Variants in CACNA1D observed in about 807,000 individuals in gnomAD.
CACNA1D encodes the protein voltage-dependent L-type calcium channel subunit alpha-1D.
In CACNA1D, 55 loss-of-function variants were observed where a neutral mutation model predicts 257.1. That is an observed-to-expected ratio of 0.21 (90% confidence interval 0.17 to 0.27). CACNA1D has a LOEUF of 0.27. Ranked by LOEUF, CACNA1D falls within the 10% of genes least tolerant of loss-of-function variation. CACNA1D has a pLI of 1.00. For missense variants in CACNA1D, 1,876 were observed against 2,784.0 expected, an observed-to-expected ratio of 0.67 and a Z score of 7.34; for synonymous variants, 980 against 1,014.9, an observed-to-expected ratio of 0.97 and a Z score of 0.65.
In CACNA1D at chr3:53,681,765, G is replaced by A. The variant is rs2094432170; in HGVS notation, c.1220+8639G>A. ...AAGAAAGGTTCATGTGCTGTGAGAG[G>A]GTTTAACAGGCACAACTGCTGTCAG... On this transcript the variant is annotated intron_variant, in intron 8 of 47. Coordinates refer to ENST00000350061, the MANE Select transcript of CACNA1D (RefSeq NM_001128840.3). 2.6e-5 allele frequency among the ~76,000 whole-genome samples: 4 copies of A among 152,204 alleles called. No individual in the cohort carries two copies. The South Asian group carries it at 8.3e-4, about 32-fold the overall frequency.
intron 8 of CACNA1D, among the ~76,000 whole-genome samples, chr3:53,674,204 C>A (rs1470568580): frequency 2.0e-5 from 3 of 152,172 alleles, no homozygotes; most frequent in African/African-American, 7.2e-5. Context: ...TAGTACATAA[C>A]CTGGCCCCTT....
At chr3:53,686,759 T>C (rs1302966741) in intron 8 of CACNA1D, among the ~76,000 whole-genome samples, 1 of 152,020 alleles carries the variant, frequency 6.6e-6, no homozygotes, top group Non-Finnish European at 1.5e-5. Flanking sequence ...AAAGTAACCA[T>C]TTTTCTATCT....
chr3:53,672,960 C>A, intron 7 of CACNA1D, 63 bp from the exon 8 acceptor site: 2 of 1,022,824 alleles, frequency 2.0e-6, no homozygotes, highest in South Asian at 1.4e-5. Context: ...TCTAATGTGA[C>A]CCTCTCTCCT....
intron 43 of CACNA1D, 131 bp from the exon 44 acceptor site, chr3:53,803,292 C>A: frequency 2.1e-6 from 2 of 936,666 alleles, no homozygotes; most frequent in Non-Finnish European, 3.4e-6. Flanking sequence ...TCCAGTGCTG[C>A]CTGAGGCAGG....
chr3:53,551,717 G>T (rs903489628), intron 3 of CACNA1D, among the ~76,000 whole-genome samples: 5 of 152,184 alleles, frequency 3.3e-5, no homozygotes, highest in Non-Finnish European at 2.9e-5. Flanking sequence ...TAGGAAAGAA[G>T]GTCCAAAGCA....
intron 9 of CACNA1D, among the ~76,000 whole-genome samples, chr3:53,713,020 C>G (rs1211755674): frequency 6.6e-6 from 1 of 152,208 alleles, no homozygotes; most frequent in Non-Finnish European, 1.5e-5. Flanking sequence ...ACCCCATTCT[C>G]TGGGACATTC....
In CACNA1D at chr3:53,808,542, T is replaced by C; in HGVS notation, c.5750-107T>C. ...TCTTTCTCTTGGACAAACCGCATGC[T>C]TCTTCCTGGGCTCGTTGCTGAGCAT... On this transcript the variant is annotated intron_variant, in intron 45 of 47. Coordinates refer to ENST00000350061, the MANE Select transcript of CACNA1D (RefSeq NM_001128840.3). 4.4e-6 allele frequency: 6 copies of C among 1,372,472 alleles called. No homozygotes were observed. In the Admixed American group the frequency reaches 1.0e-4, roughly 23 times the overall value. The allele number at this position is 1,372,472 out of a possible 1,614,324, so 85.0% of individuals were successfully genotyped here. A position where few individuals can be genotyped will look rare whatever the true frequency, so the allele number is the denominator to read the frequency against.
chr3:53,690,487 C>G (rs547803598), intron 8 of CACNA1D, among the ~76,000 whole-genome samples: 4 of 152,134 alleles, frequency 2.6e-5, no homozygotes, highest in African/African-American at 9.7e-5. Context: ...AGTCTCTGAG[C>G]CCAGCCCTGG....
chr3:53,748,191 A>C (rs1484440772), intron 26 of CACNA1D, among the ~76,000 whole-genome samples: 5 of 152,150 alleles, frequency 3.3e-5, no homozygotes, highest in African/African-American at 4.8e-5. Flanking sequence ...GAAAGGGAGA[A>C]TCCTCTGTGC....
chr3:53,691,890 ATATATATTACATATATTATATAT>A (rs2094531244), intron 8 of CACNA1D, among the ~76,000 whole-genome samples: 3 of 101,214 alleles, frequency 3.0e-5, no homozygotes, highest in African/African-American at 1.1e-4. Flanking sequence ...AATATATATT[ATATATATTACATATATTATATAT>A]AATATATATT....
At chr3:53,795,623 A>C (rs564039560) in intron 40 of CACNA1D, among the ~76,000 whole-genome samples, 1 of 152,378 alleles carries the variant, frequency 6.6e-6, no homozygotes, top group Non-Finnish European at 1.5e-5. Flanking sequence ...ATGCTATCAG[A>C]ACAGAAGTTG....
At chr3:53,717,716 G>C (rs2094834491) in intron 9 of CACNA1D, among the ~76,000 whole-genome samples, 1 of 152,114 alleles carries the variant, frequency 6.6e-6, no homozygotes, top group South Asian at 2.1e-4. Context: ...AACTTTCTGT[G>C]TATTGGCTTC....
intron 9 of CACNA1D, among the ~76,000 whole-genome samples, chr3:53,710,144 C>T (rs535977088): frequency 6.6e-6 from 1 of 152,338 alleles, no homozygotes; most frequent in Admixed American, 6.5e-5. Flanking sequence ...CTTTATCTAG[C>T]ATGGGTTAGC....
intron 7 of CACNA1D, among the ~76,000 whole-genome samples, chr3:53,667,226 G>C (rs2094275338): frequency 6.6e-6 from 1 of 152,204 alleles, no homozygotes; most frequent in Non-Finnish European, 1.5e-5. Context: ...CTCTTTCAAG[G>C]CGAGGGTCTG....
In CACNA1D at chr3:53,631,098, C is replaced by T. The variant is rs113091541; in HGVS notation, c.484-19681C>T. On this transcript the variant is annotated intron_variant, in intron 3 of 47. Coordinates refer to ENST00000350061, the MANE Select transcript of CACNA1D (RefSeq NM_001128840.3). ...GGTTGCCGAAGAAGGCTGGGGTGGCCGTGGCAATTTCTTAAAACAAGGAAG... is the reference window on the plus strand; with the variant it reads ...GGTTGCCGAAGAAGGCTGGGGTGGCTGTGGCAATTTCTTAAAACAAGGAAG... 9.1e-3 allele frequency among the ~76,000 whole-genome samples: 1,379 copies of T among 152,198 alleles called. 22 individuals carry two copies. The highest frequency in any genetic ancestry group is 0.032 in the African/African-American group (1,312 of 41,512).
At chr3:53,656,950 A>G (rs1331260199) in intron 4 of CACNA1D, among the ~76,000 whole-genome samples, 1 of 152,190 alleles carries the variant, frequency 6.6e-6, no homozygotes, top group African/African-American at 2.4e-5. Context: ...CTCATACACC[A>G]CTTGTAGAAA....
intron 3 of CACNA1D, among the ~76,000 whole-genome samples, chr3:53,581,275 T>C (rs1187110824): frequency 6.6e-6 from 1 of 152,182 alleles, no homozygotes; most frequent in Non-Finnish European, 1.5e-5. Flanking sequence ...GCTGAGGGTG[T>C]CATTTTACCT....
At chr3:53,506,223 C>T (rs1401471640) in intron 3 of CACNA1D, among the ~76,000 whole-genome samples, 1 of 152,214 alleles carries the variant, frequency 6.6e-6, no homozygotes, top group African/African-American at 2.4e-5. Context: ...TATGCTGCTT[C>T]TTCCCTTCAG....
intron 25 of CACNA1D, among the ~76,000 whole-genome samples, chr3:53,746,995 G>T (rs1282628075): frequency 6.6e-6 from 1 of 152,192 alleles, no homozygotes; most frequent in African/African-American, 2.4e-5. Context: ...CAAGCCCATT[G>T]TGTAAGAGAT....
Sources: allele counts gnomAD v4.1 joint callset (sites outside exome capture counted in the v4.1 genomes callset), GRCh38; gene constraint gnomAD v4.1.1; transcripts MANE v1.5; gene names NCBI Gene and HGNC (gene_info 2026-07-23, HGNC 2026-07-21).